ATP9B: variants seen among roughly 807,000 people sequenced by gnomAD.
ATP9B encodes ATPase phospholipid transporting 9B, also known as probable phospholipid-transporting ATPase IIB.
Under a neutral mutation model 146.1 loss-of-function variants are expected in ATP9B, and 110 were observed. That is an observed-to-expected ratio of 0.75 (90% CI 0.65 to 0.88). The LOEUF (loss-of-function observed/expected upper bound fraction) is 0.88. ATP9B is among the 40% of genes least tolerant of loss of function. The pLI is 0.00. For missense variants in ATP9B, 1,499 were observed against 1,496.4 expected, an observed-to-expected ratio of 1.00 and a Z score of -0.03; for synonymous variants, 604 against 569.7, an observed-to-expected ratio of 1.06 and a Z score of -0.86.
At chr18:79,180,482 C>T (rs142914283) in intron 8 of ATP9B, among the ~76,000 whole-genome samples, 3 of 152,290 alleles carry the variant, frequency 2.0e-5, no homozygotes, top group Admixed American at 1.3e-4. Flanking sequence ...GCTTCCTTCC[C>T]ATCCTTTGTA....
rs1005637316 is a variant in ATP9B at position 79,177,409 on chromosome 18, A to AT, written c.873+515dup. ...CACCACCACGCCCAGCCAGTTCTTAATTTTTTTTTTTTTGTAGAGATGGGG... is the reference window on the plus strand; with the variant it reads ...CACCACCACGCCCAGCCAGTTCTTAATTTTTTTTTTTTTTGTAGAGATGGGG... On this transcript the variant is annotated intron_variant, in intron 8 of 29. Transcript: ENST00000426216. 1.9e-3 allele frequency among the ~76,000 whole-genome samples: 281 copies of AT among 144,962 alleles called. 1 individual carries two copies. The highest frequency in any genetic ancestry group is 4.2e-3 in the South Asian group (19 of 4,552).
intron 17 of ATP9B, among the ~76,000 whole-genome samples, chr18:79,333,159 G>C (rs375686395): frequency 1.3e-5 from 2 of 152,186 alleles, no homozygotes; most frequent in Non-Finnish European, 2.9e-5. Flanking sequence ...CTGGGGGGCC[G>C]TGATGTGTTT....
intron 11 of ATP9B, among the ~76,000 whole-genome samples, chr18:79,249,982 A>G (rs1194475062): frequency 6.6e-6 from 1 of 152,242 alleles, no homozygotes; most frequent in East Asian, 1.9e-4. Flanking sequence ...GTTATATTTT[A>G]TTCCACTAAA....
In ATP9B at chr18:79,354,932, C is replaced by T. The variant is rs562063041; in HGVS notation, c.2904-4422C>T. Among the ~76,000 whole-genome samples the T allele has an allele frequency of 4.7e-4, 71 of 152,230 alleles. 1 individual carries two copies. Among genetic ancestry groups the T allele is most frequent in the African/African-American group, 6.3e-4 (26 of 41,462 alleles). ...TGATCGTCACTCTACTCCAGCCAGA[C>T]GCCAGGGAAGGGCTGTGCCCACCTC... On this transcript the variant is annotated intron_variant, in intron 25 of 29. Coordinates refer to ENST00000426216, the MANE Select transcript of ATP9B (RefSeq NM_198531.5).
intron 3 of ATP9B, among the ~76,000 whole-genome samples, chr18:79,111,599 A>G (rs1049209396): frequency 6.6e-6 from 1 of 152,210 alleles, no homozygotes; most frequent in Non-Finnish European, 1.5e-5. Context: ...TTAAATTATT[A>G]AATACTCACA....
chr18:79,109,354 A>G (rs1202355254), intron 2 of ATP9B, among the ~76,000 whole-genome samples: 1 of 152,176 alleles, frequency 6.6e-6, no homozygotes, highest in Non-Finnish European at 1.5e-5. Context: ...GAAACTCTAT[A>G]CTGTCTACCC....
At chr18:79,311,092 C>T (rs2096650154) in intron 15 of ATP9B, among the ~76,000 whole-genome samples, 1 of 151,904 alleles carries the variant, frequency 6.6e-6, no homozygotes, top group Non-Finnish European at 1.5e-5. Context: ...GCGGAGGTTG[C>T]AGTGAGCCAG....
intron 9 of ATP9B, among the ~76,000 whole-genome samples, chr18:79,198,698 C>A (rs1161239181): frequency 6.6e-6 from 1 of 151,998 alleles, no homozygotes; most frequent in African/African-American, 2.4e-5. Context: ...GTGTATCTAA[C>A]CATAGAAAAG....
At chr18:79,367,688 C>T (rs188021214) in intron 26 of ATP9B, among the ~76,000 whole-genome samples, 1 of 152,390 alleles carries the variant, frequency 6.6e-6, no homozygotes, top group Admixed American at 6.5e-5. Flanking sequence ...GGAAGTGGAA[C>T]TCCAGGGTCA....
chr18:79,315,083 C>T (rs1267923409), intron 15 of ATP9B, among the ~76,000 whole-genome samples: 1 of 152,098 alleles, frequency 6.6e-6, no homozygotes, highest in Non-Finnish European at 1.5e-5. Context: ...TGGTAAGTTC[C>T]GTATTTAAAT....
intron 11 of ATP9B, among the ~76,000 whole-genome samples, chr18:79,215,815 G>A (rs2095622425): frequency 6.6e-6 from 1 of 152,026 alleles, no homozygotes; most frequent in Admixed American, 6.6e-5. Flanking sequence ...TCAGCCTTGC[G>A]AGTAGCTGGG....
intron 7 of ATP9B, among the ~76,000 whole-genome samples, chr18:79,162,362 TTCC>T (rs954781209): frequency 2.6e-5 from 4 of 152,222 alleles, no homozygotes; most frequent in Non-Finnish European, 4.4e-5. Context: ...ATGGCTTAAA[TTCC>T]AATTAATCAA....
chr18:79,337,533 C>T (rs989589338), intron 19 of ATP9B, 84 bp downstream of exon 19: 4 of 1,523,292 alleles, frequency 2.6e-6, no homozygotes, highest in Non-Finnish European at 2.6e-6. Context: ...ATTTGTGAAA[C>T]TCCTGTGGGG....
intron 25 of ATP9B, among the ~76,000 whole-genome samples, chr18:79,356,201 C>T (rs1479017954): frequency 2.0e-5 from 3 of 152,270 alleles, no homozygotes; most frequent in East Asian, 1.9e-4. Flanking sequence ...CTCCGCCTCA[C>T]GCCTGCCAGA....
At chr18:79,117,857 T>G (rs780907390) in intron 4 of ATP9B, 1 of 152,228 alleles carries the variant, frequency 6.6e-6, no homozygotes, top group Non-Finnish European at 1.5e-5. Context: ...AGATTATAAT[T>G]CCTATGTATC....
intron 9 of ATP9B, among the ~76,000 whole-genome samples, chr18:79,197,821 A>C (rs923826472): frequency 1.3e-5 from 2 of 152,214 alleles, no homozygotes; most frequent in African/African-American, 4.8e-5. Flanking sequence ...AAAGGCAGAG[A>C]CTGTCAGACT....
chr18:79,144,298 C>G (rs898785164), intron 6 of ATP9B: 1 of 152,518 alleles, frequency 6.6e-6, no homozygotes, highest in African/African-American at 2.4e-5. Context: ...ATTGAATAGT[C>G]TATGCATCAA....
intron 15 of ATP9B, among the ~76,000 whole-genome samples, chr18:79,308,825 G>C (rs78117608): frequency 1.6e-5 from 2 of 128,482 alleles, no homozygotes; most frequent in African/African-American, 6.7e-5. Flanking sequence ...AGGCTGAGGA[G>C]TGATCCCCAG....
chr18:79,137,238 T>G (rs915868744), intron 5 of ATP9B, among the ~76,000 whole-genome samples: 7 of 152,242 alleles, frequency 4.6e-5, no homozygotes, highest in African/African-American at 1.7e-4. Context: ...GTCTGCTAAT[T>G]ATAACATTTG....
Sources: allele counts gnomAD v4.1 joint callset (sites outside exome capture counted in the v4.1 genomes callset), GRCh38; gene constraint gnomAD v4.1.1; transcripts MANE v1.5; gene names NCBI Gene and HGNC (gene_info 2026-07-23, HGNC 2026-07-21).